USP8: variants seen among roughly 807,000 people sequenced by gnomAD.
USP8 encodes the protein ubiquitin specific peptidase 8.
USP8 carries 27 observed loss-of-function variants against 130.0 expected under a neutral mutation model. The observed-to-expected ratio is 0.21, with a 90% CI of 0.15 to 0.29. USP8 has a LOEUF of 0.29. Ranked by LOEUF, USP8 falls within the 10% of genes least tolerant of loss-of-function variation. USP8 has a pLI of 1.00. For missense variants in USP8, 1,029 were observed against 1,312.2 expected (o/e 0.78, Z 3.33); for synonymous variants, 392 against 444.1 (o/e 0.88, Z 1.48).
chr15:50,460,738 C>T (rs2050964856), intron 5 of USP8, among the ~76,000 whole-genome samples: 1 of 152,206 alleles, frequency 6.6e-6, no homozygotes, highest in Non-Finnish European at 1.5e-5. Flanking sequence ...CCTTTACCTC[C>T]TCAGAAACTA....
At chr15:50,466,979 C>T in intron 7 of USP8, 1 of 488,144 alleles carries the variant, frequency 2.0e-6, no homozygotes, top group Non-Finnish European at 3.8e-6. Context: ...GGGATCATTT[C>T]CATATGAGAA....
In USP8 at chr15:50,504,570, G is replaced by A. The variant is rs138471038; in HGVS notation, c.*5482G>A. On this transcript the variant is annotated 3_prime_UTR_variant, in exon 20 of 20. Transcript: ENST00000307179. Reference sequence around the variant, plus strand: ...CAGAAAAGACACCATTTTATATAGGGCCCTTGAGCATCTGTGGATTTTGAT... The same window carrying A: ...CAGAAAAGACACCATTTTATATAGGACCCTTGAGCATCTGTGGATTTTGAT... 2.0e-5 allele frequency: 3 copies of A among 152,242 alleles called. No homozygotes were observed. Among genetic ancestry groups the A allele is most frequent in the African/African-American group, 7.2e-5 (3 of 41,524 alleles). 9.4% of individuals were successfully genotyped at this position (152,242 alleles called of 1,614,324 possible).
At chr15:50,493,891 A>G in intron 15 of USP8, 179 bp from the exon 16 acceptor site, 1 of 799,472 alleles carries the variant, frequency 1.3e-6, no homozygotes, top group Non-Finnish European at 2.2e-6. Context: ...AGGAAGCTGA[A>G]GGGATGTAAG....
chr15:50,456,555 C>T (rs2050795905), intron 4 of USP8, among the ~76,000 whole-genome samples: 1 of 139,834 alleles, frequency 7.2e-6, no homozygotes, highest in African/African-American at 2.7e-5. Flanking sequence ...GCCCAGGTGA[C>T]AGTGTGAGAC....
intron 4 of USP8, among the ~76,000 whole-genome samples, chr15:50,457,664 A>T (rs115648238): frequency 0.061 from 9,220 of 151,386 alleles, 363 homozygotes; most frequent in African/African-American, 0.11. Context: ...GGAGTTTGAG[A>T]CAAGCCTGGC....
chr15:50,471,608 C>T (rs1479093194), intron 7 of USP8, 25 bp from the exon 8 acceptor site: 1 of 1,600,714 alleles, frequency 6.2e-7, no homozygotes, highest in South Asian at 1.1e-5. Flanking sequence ...ACTTTTGCCC[C>T]AATTTAAATA....
intron 1 of USP8, among the ~76,000 whole-genome samples, chr15:50,430,985 C>T (rs1392931209): frequency 6.6e-6 from 1 of 152,174 alleles, no homozygotes; most frequent in Admixed American, 6.6e-5. Flanking sequence ...TGCTAAACAT[C>T]CTGCAGTGCA....
chr15:50,462,998 A>C (rs772751186), intron 6 of USP8, among the ~76,000 whole-genome samples: 69 of 152,090 alleles, frequency 4.5e-4, no homozygotes, highest in Admixed American at 1.1e-3. Flanking sequence ...CTGTAATCCC[A>C]GCACTTTGGG....
chr15:50,495,859 G>A lies in USP8; in HGVS notation c.2670G>A (p.Arg890=). Residue 890 remains arginine, a synonymous_variant, in exon 17 of 20, where the codon CGG becomes CGA. Coordinates refer to ENST00000307179, the MANE Select transcript of USP8 (RefSeq NM_005154.5). ...LHEDLNKADN[R]KRYKEENNDH... ...CATTTTATTTCCAGGCTGATAATCG[G>A]AAGAGATATAAAGAAGAAAATAATG... The A allele has an allele frequency of 2.5e-6, 4 of 1,612,006 alleles. No homozygotes were observed. Among genetic ancestry groups the A allele is most frequent in the Non-Finnish European group, 3.4e-6 (4 of 1,178,886 alleles).
intron 3 of USP8, among the ~76,000 whole-genome samples, chr15:50,441,969 C>CTTTTT (rs1011150634): frequency 6.3e-4 from 51 of 81,420 alleles, no homozygotes; most frequent in Non-Finnish European, 7.7e-4. Context: ...CTCCCTAAAT[C>CTTTTT]TTTTTTTTTT....
rs189999822 is a variant in USP8 at position 50,460,158 on chromosome 15, C to T, written c.498+996C>T. 7.4e-3 allele frequency among the ~76,000 whole-genome samples: 1,121 copies of T among 151,248 alleles called. 7 individuals carry two copies. The highest frequency in any genetic ancestry group is 0.011 in the Admixed American group (173 of 15,178). ...GATTACAGGCGCCCGCCACCACACC[C>T]GGCTAATTTTTGTATTTTTAGTAGA... On this transcript the variant is annotated intron_variant, in intron 5 of 19. Transcript: ENST00000307179.
rs2241769 is a variant in USP8 at position 50,424,436 on chromosome 15, G to T, written c.-144G>T. 5.0e-6 allele frequency: 2 copies of T among 398,652 alleles called. No homozygotes were observed. Among genetic ancestry groups the T allele is most frequent in the Admixed American group, 8.8e-5 (2 of 22,732 alleles). 24.7% of individuals were successfully genotyped at this position (398,652 alleles called of 1,614,324 possible). A position where few individuals can be genotyped will look rare whatever the true frequency, so the allele number is the denominator to read the frequency against. ...GGCTGGCTTCCGTCCTGGTAGCCAA[G>T]GCTAATTCTCCCTCGAGTTCTTGGG... On this transcript the variant is annotated 5_prime_UTR_variant, in exon 1 of 20. It adds an upstream start codon to the 5' untranslated region. Coordinates refer to ENST00000307179, the MANE Select transcript of USP8 (RefSeq NM_005154.5).
In USP8 at chr15:50,446,910, C is replaced by T. The variant is rs768337153; in HGVS notation, c.250-2490C>T. 7.8e-4 allele frequency among the ~76,000 whole-genome samples: 118 copies of T among 152,196 alleles called. 1 individual carries two copies. The highest frequency in any genetic ancestry group is 2.3e-3 in the Admixed American group (35 of 15,286). ...CCTCCCAAAGTGCTGGGATTACAAG[C>T]GTGAGCCACCTGGCCTGGCCATCAA... On this transcript the variant is annotated intron_variant, in intron 3 of 19. Transcript: ENST00000307179.
chr15:50,489,114 G>A (rs76841559), intron 12 of USP8, among the ~76,000 whole-genome samples: 1,595 of 152,246 alleles, frequency 0.01, 29 homozygotes, highest in African/African-American at 0.036. Flanking sequence ...GGAAGTGGAA[G>A]TATCACATTC....
intron 4 of USP8, among the ~76,000 whole-genome samples, chr15:50,452,231 AATCCATT>A (rs2050651181): frequency 6.6e-6 from 1 of 152,228 alleles, no homozygotes. Flanking sequence ...ACATAGACTT[AATCCATT>A]TCTGTTACAT....
intron 8 of USP8, among the ~76,000 whole-genome samples, chr15:50,476,378 C>T (rs1010598192): frequency 1.2e-4 from 19 of 152,254 alleles, no homozygotes; most frequent in African/African-American, 3.4e-4. Flanking sequence ...TGCAGTGAGT[C>T]GTGATTATGC....
chr15:50,438,964 A>G, intron 1 of USP8, 45 bp from the exon 2 acceptor site: 1 of 794,508 alleles, frequency 1.3e-6, no homozygotes, highest in South Asian at 1.7e-5. Flanking sequence ...CACTTGTTTT[A>G]TTGTGAATGA....
At chr15:50,427,421 C>A (rs924898621) in intron 1 of USP8, among the ~76,000 whole-genome samples, 1 of 151,798 alleles carries the variant, frequency 6.6e-6, no homozygotes, top group African/African-American at 2.4e-5. Context: ...GAGTGATTTA[C>A]GGAATTTGTT....
chr15:50,500,932 C>A lies in USP8; in HGVS notation c.*1844C>A. On this transcript the variant is annotated 3_prime_UTR_variant, in exon 20 of 20. Transcript: ENST00000307179. ...GGCCAAGAGATGCTTTTTAAATTGT[C>A]CCTTATTCTAAATTAAAAGGAAGTG... is the stretch of plus-strand genomic sequence containing the variant. 1 of 1,036,504 alleles carries A rather than the reference C, an allele frequency of 9.6e-7. No homozygotes were observed. Among genetic ancestry groups the A allele is most frequent in the Non-Finnish European group, 1.5e-6 (1 of 689,176 alleles). 64.2% of individuals were successfully genotyped at this position (1,036,504 alleles called of 1,614,324 possible).
Sources: allele counts gnomAD v4.1 joint callset (sites outside exome capture counted in the v4.1 genomes callset), GRCh38; gene constraint gnomAD v4.1.1; transcripts MANE v1.5; gene names NCBI Gene and HGNC (gene_info 2026-07-23, HGNC 2026-07-21).